CCDC122: variants seen among roughly 807,000 people sequenced by gnomAD.
CCDC122 encodes the protein coiled-coil domain-containing protein 122.
CCDC122 carries 38 observed loss-of-function variants against 37.0 expected under a neutral mutation model. The observed-to-expected ratio is 1.03, with a 90% CI of 0.79 to 1.35. The LOEUF (loss-of-function observed/expected upper bound fraction) is 1.35. CCDC122 is among the 40% of genes most tolerant of loss of function. The probability of loss-of-function intolerance (pLI) is 0.00; values close to 1 mark genes in which losing one functional copy is unlikely to be tolerated. For synonymous variants in CCDC122, 83 were observed against 95.6 expected (o/e 0.87, Z 0.77); for missense variants, 305 against 310.0 (o/e 0.98, Z 0.12).
intron 4 of CCDC122, among the ~76,000 whole-genome samples, chr13:43,860,376 C>G (rs1954067063): frequency 6.6e-6 from 1 of 151,914 alleles, no homozygotes; most frequent in Non-Finnish European, 1.5e-5. Context: ...TTATAGGCAT[C>G]AGAAGTATAC....
At chr13:43,836,000 C>T (rs1953151048), downstream of CCDC122, among the ~76,000 whole-genome samples, 1 of 152,114 alleles carries the variant, frequency 6.6e-6, no homozygotes, top group African/African-American at 2.4e-5. Context: ...TACTGTTAGA[C>T]ATAATAAGAT....
chr13:43,841,653 GTGCACATACA>G, intron 6 of CCDC122, among the ~76,000 whole-genome samples: 1 of 152,056 alleles, frequency 6.6e-6, no homozygotes, highest in Non-Finnish European at 1.5e-5. Flanking sequence ...CAAGTCCTTT[GTGCACATACA>G]TGTGTTGCAA....
At chr13:43,849,258 T>C (rs1379776682) in intron 6 of CCDC122, 2 of 186,738 alleles carry the variant, frequency 1.1e-5, no homozygotes, top group Admixed American at 6.5e-5. Context: ...AGAAGTTTTA[T>C]GATGGAAACA....
chr13:43,839,259 A>G (rs937207396), intron 6 of CCDC122, among the ~76,000 whole-genome samples: 1 of 152,192 alleles, frequency 6.6e-6, no homozygotes, highest in East Asian at 1.9e-4. Context: ...CTGTCCCCAC[A>G]CTTAACCCTC....
At chr13:43,856,060 C>T (rs966676372) in intron 6 of CCDC122, 7 of 152,130 alleles carry the variant, frequency 4.6e-5, no homozygotes, top group Non-Finnish European at 1.0e-4. Context: ...TTTGCAGGAA[C>T]ATGAATGGAG....
At chr13:43,877,444 G>GTA (rs1566957974) in intron 1 of CCDC122, among the ~76,000 whole-genome samples, 1 of 152,084 alleles carries the variant, frequency 6.6e-6, no homozygotes, top group Non-Finnish European at 1.5e-5. Context: ...ATACCACAAA[G>GTA]TACATCCTTA....
chr13:43,873,962 T>C (rs568195014), intron 2 of CCDC122, among the ~76,000 whole-genome samples: 1 of 152,318 alleles, frequency 6.6e-6, no homozygotes, highest in African/African-American at 2.4e-5. Context: ...TGCCCTTTTC[T>C]AACAGAATAA....
chr13:43,829,889 T>G (rs1470399445), intron 3 of CCDC122, among the ~76,000 whole-genome samples: 1 of 152,176 alleles, frequency 6.6e-6, no homozygotes, highest in African/African-American at 2.4e-5. Flanking sequence ...TTATTAATTT[T>G]TTTAAAGATG....
intron 4 of CCDC122, among the ~76,000 whole-genome samples, chr13:43,864,245 T>C (rs1346341244): frequency 6.6e-6 from 1 of 152,214 alleles, no homozygotes; most frequent in East Asian, 1.9e-4. Flanking sequence ...CTATAATAAA[T>C]ATTAAAATCA....
Position 43,868,737 on chromosome 13 carries a change from G to T in CCDC122, c.113C>A (p.Ala38Glu). 1 of 1,564,040 alleles carries T rather than the reference G, an allele frequency of 6.4e-7. No homozygotes were observed. The change falls in exon 4 of 7, where the codon GCA becomes GAA. Residue 38 changes from alanine to glutamate, a missense_variant. By Grantham distance (107) the Ala-to-Glu change is moderately radical. Transcript: ENST00000444614. Reference protein sequence around the residue: ...EKVAKQQQSQASEIEKNKKVL... With the variant: ...EKVAKQQQSQESEIEKNKKVL... ...CTTTTTGTTTTTTTCTATCTCTGAT[G>T]CTTGTGATTGTTGTTGCTTTGCAAC...
chr13:43,854,310 C>T (rs1953836126), intron 6 of CCDC122: 1 of 152,122 alleles, frequency 6.6e-6, no homozygotes. Flanking sequence ...ACTGACCCCA[C>T]AGAAATACAA....
At chr13:43,877,282 A>C (rs1954641670) in intron 1 of CCDC122, among the ~76,000 whole-genome samples, 1 of 152,170 alleles carries the variant, frequency 6.6e-6, no homozygotes, top group Non-Finnish European at 1.5e-5. Flanking sequence ...ATGCAAAGAA[A>C]AGGTCTTGGA....
chr13:43,839,871 C>A (rs1406390612), intron 6 of CCDC122, among the ~76,000 whole-genome samples: 1 of 152,070 alleles, frequency 6.6e-6, no homozygotes, highest in Non-Finnish European at 1.5e-5. Context: ...ACTGGACAGA[C>A]CCCAGAATCA....
intron 6 of CCDC122, among the ~76,000 whole-genome samples, chr13:43,849,554 T>C (rs754948419): frequency 6.6e-6 from 1 of 152,100 alleles, no homozygotes; most frequent in Non-Finnish European, 1.5e-5. Flanking sequence ...CCAGAGAGGA[T>C]TCTGGAGAAG....
chr13:43,840,781 A>C (rs377232387), intron 6 of CCDC122, among the ~76,000 whole-genome samples: 67,694 of 138,464 alleles, frequency 0.49, 18,735 homozygotes, highest in Non-Finnish European at 0.62. Context: ...TCCAGTTTAC[A>C]ATTGTTGGAC....
At chr13:43,863,817 C>G (rs1453929968) in intron 4 of CCDC122, among the ~76,000 whole-genome samples, 3 of 151,992 alleles carry the variant, frequency 2.0e-5, no homozygotes, top group Non-Finnish European at 4.4e-5. Context: ...CCAAGAATAC[C>G]TTAGTTTGTT....
At chr13:43,874,076 G>A (rs1221021672) in intron 2 of CCDC122, among the ~76,000 whole-genome samples, 1 of 152,148 alleles carries the variant, frequency 6.6e-6, no homozygotes, top group East Asian at 1.9e-4. Flanking sequence ...TTTCTGGGAA[G>A]ATATGGTCTT....
At chr13:43,842,264 C>T (rs1439020619) in intron 6 of CCDC122, among the ~76,000 whole-genome samples, 5 of 151,890 alleles carry the variant, frequency 3.3e-5, no homozygotes, top group South Asian at 2.1e-4. Context: ...GTTTCCTCAC[C>T]GATATCCAGT....
downstream of CCDC122, among the ~76,000 whole-genome samples, chr13:43,819,471 A>G (rs1031713253): frequency 2.6e-5 from 4 of 152,314 alleles, no homozygotes; most frequent in African/African-American, 9.6e-5. Context: ...TAATCCATGG[A>G]CATCCATTAG....
Sources: allele counts gnomAD v4.1 joint callset (sites outside exome capture counted in the v4.1 genomes callset), GRCh38; gene constraint gnomAD v4.1.1; transcripts MANE v1.5; gene names NCBI Gene and HGNC (gene_info 2026-07-23, HGNC 2026-07-21).